Variants in MAP4 observed in about 807,000 individuals in gnomAD.
MAP4 encodes the protein microtubule associated protein 4, also known as microtubule-associated protein 4.
MAP4 carries 76 observed loss-of-function variants against 170.2 expected under a neutral mutation model. That is an observed-to-expected ratio of 0.45 (90% CI 0.37 to 0.54). The LOEUF is 0.54. MAP4 is among the 20% of genes least tolerant of loss of function. MAP4 has a pLI of 0.00. For missense variants in MAP4, 2,506 were observed against 2,748.0 expected (o/e 0.91, Z 1.97); for synonymous variants, 909 against 994.5 (o/e 0.91, Z 1.62).
At chr3:47,919,622 G>A (rs1299193129) in intron 5 of MAP4, among the ~76,000 whole-genome samples, 3 of 152,142 alleles carry the variant, frequency 2.0e-5, no homozygotes, top group South Asian at 2.1e-4. Flanking sequence ...ACGCAAACAA[G>A]TTTTAAAGGA....
At chr3:47,955,459 C>G (rs1213286064) in intron 3 of MAP4, among the ~76,000 whole-genome samples, 1 of 151,528 alleles carries the variant, frequency 6.6e-6, no homozygotes, top group African/African-American at 2.4e-5. Context: ...CACACACACA[C>G]ACACACACAC....
At chr3:48,029,665 T>C (rs1426927958) in intron 1 of MAP4, among the ~76,000 whole-genome samples, 1 of 152,116 alleles carries the variant, frequency 6.6e-6, no homozygotes, top group Non-Finnish European at 1.5e-5. Flanking sequence ...AGATCTTACA[T>C]GATATTTTAA....
intron 1 of MAP4, among the ~76,000 whole-genome samples, chr3:48,035,688 C>T (rs1466915036): frequency 1.3e-5 from 2 of 152,034 alleles, no homozygotes; most frequent in African/African-American, 2.4e-5. Context: ...ACTTGTAATC[C>T]CAGCACTTTG....
At chr3:47,982,200 A>G (rs2100085797) in intron 2 of MAP4, among the ~76,000 whole-genome samples, 1 of 152,224 alleles carries the variant, frequency 6.6e-6, no homozygotes, top group Admixed American at 6.5e-5. Flanking sequence ...TAGACTGATA[A>G]ATTTCCTCTG....
chr3:47,864,347 C>A (rs2075499642), intron 17 of MAP4, among the ~76,000 whole-genome samples: 1 of 152,022 alleles, frequency 6.6e-6, no homozygotes, highest in African/African-American at 2.4e-5. Flanking sequence ...TCGAGACCAG[C>A]CTGCCCAATA....
intron 2 of MAP4, among the ~76,000 whole-genome samples, chr3:47,985,626 C>T (rs565654231): frequency 7.1e-4 from 108 of 152,204 alleles, no homozygotes; most frequent in Middle Eastern, 3.4e-3. Context: ...GAACTTGAAT[C>T]TAATTATGAG....
intron 1 of MAP4, among the ~76,000 whole-genome samples, chr3:48,068,368 CA>C (rs2100139331): frequency 6.6e-6 from 1 of 151,164 alleles, no homozygotes; most frequent in Non-Finnish European, 1.5e-5. Flanking sequence ...GTCAATTCAA[CA>C]AAGCACCATG....
chr3:47,965,517 A>T (rs2100074329), intron 3 of MAP4, among the ~76,000 whole-genome samples: 1 of 152,232 alleles, frequency 6.6e-6, no homozygotes, highest in Admixed American at 6.5e-5. Flanking sequence ...TCCTATCAGC[A>T]GTACACAAGG....
chr3:47,971,741 G>T (rs994650444), intron 3 of MAP4, among the ~76,000 whole-genome samples: 1 of 152,152 alleles, frequency 6.6e-6, no homozygotes, highest in Non-Finnish European at 1.5e-5. Context: ...TAAAATTGAG[G>T]ATAATACAGT....
At chr3:48,084,582 T>G (rs2100148163) in intron 1 of MAP4, among the ~76,000 whole-genome samples, 1 of 151,672 alleles carries the variant, frequency 6.6e-6, no homozygotes, top group Non-Finnish European at 1.5e-5. Flanking sequence ...CCCCTTTTTT[T>G]TTTTTTTGCA....
chr3:47,890,669 G>A (rs541732004), intron 10 of MAP4, among the ~76,000 whole-genome samples: 1 of 152,264 alleles, frequency 6.6e-6, no homozygotes, highest in South Asian at 2.1e-4. Flanking sequence ...AAACCAACAG[G>A]GAGCTGAGGG....
rs542243213 is a variant in MAP4 at position 47,896,339 on chromosome 3, G to C, written c.5434+6611C>G. Among the ~76,000 whole-genome samples, 199 of 152,232 alleles carry C rather than the reference G, an allele frequency of 1.3e-3. 1 individual carries two copies. Among genetic ancestry groups the C allele is most frequent in the African/African-American group, 4.5e-3 (187 of 41,520 alleles). On this transcript the variant is annotated intron_variant, in intron 10 of 20. Transcript: ENST00000683076. ...GAGGTTGGGAGTTCGAGACCAGCCTGAACAACATGGAGAAACCCCGTGTCT... is the reference window on the plus strand; with the variant it reads ...GAGGTTGGGAGTTCGAGACCAGCCTCAACAACATGGAGAAACCCCGTGTCT...
chr3:47,894,666 TTC>T (rs1298797263), intron 10 of MAP4, among the ~76,000 whole-genome samples: 4 of 152,158 alleles, frequency 2.6e-5, no homozygotes, highest in Admixed American at 6.5e-5. Flanking sequence ...AATTCTTGCT[TTC>T]TTTTTTTATA....
In MAP4 at chr3:47,855,541, C is replaced by T. The variant is rs923314152; in HGVS notation, c.6584-181G>A. ...TTCTCATATCACAGTGAGGCTGAGA[C>T]AATCTCTCCGTCCAGCCAGTGGGAA... On this transcript the variant is annotated intron_variant, in intron 18 of 20. Transcript: ENST00000683076. The surrounding 1 kb of genome is among the most constrained non-coding windows in gnomAD (Gnocchi z 5.1). Among the ~76,000 whole-genome samples, 1 of 152,220 alleles carries T rather than the reference C, an allele frequency of 6.6e-6. No homozygotes were observed. The highest frequency in any genetic ancestry group is 1.5e-5 in the Non-Finnish European group (1 of 68,040).
intron 1 of MAP4, among the ~76,000 whole-genome samples, chr3:48,021,650 C>A (rs757031834): frequency 6.6e-6 from 1 of 152,008 alleles, no homozygotes; most frequent in Non-Finnish European, 1.5e-5. Flanking sequence ...CCGGCCTAAT[C>A]TATAGATTTA....
chr3:47,932,557 C>G (rs2100050500), intron 3 of MAP4, among the ~76,000 whole-genome samples: 1 of 152,108 alleles, frequency 6.6e-6, no homozygotes, highest in African/African-American at 2.4e-5. Context: ...CATGAGGACT[C>G]CAGTTTCTTC....
At chr3:48,021,361 T>G (rs1413294112), upstream of MAP4, among the ~76,000 whole-genome samples, 1 of 152,046 alleles carries the variant, frequency 6.6e-6, no homozygotes. Flanking sequence ...TTGTTTTTTT[T>G]TTTAGACAGA....
chr3:47,924,765 G>A (rs1325593655), intron 4 of MAP4, among the ~76,000 whole-genome samples: 3 of 152,082 alleles, frequency 2.0e-5, no homozygotes, highest in African/African-American at 7.2e-5. Flanking sequence ...TATATCAGCT[G>A]GCTTTCCTCA....
At chr3:48,036,782 C>G (rs1224411113) in intron 1 of MAP4, among the ~76,000 whole-genome samples, 1 of 152,146 alleles carries the variant, frequency 6.6e-6, no homozygotes, top group South Asian at 2.1e-4. Flanking sequence ...AACAAAAGAG[C>G]CTGCAACAGG....
Sources: allele counts gnomAD v4.1 joint callset (sites outside exome capture counted in the v4.1 genomes callset), GRCh38; gene constraint gnomAD v4.1.1; non-coding constraint Gnocchi (gnomAD v3.1); transcripts MANE v1.5; gene names NCBI Gene and HGNC (gene_info 2026-07-23, HGNC 2026-07-21).